The following RALYL variants were observed in gnomAD, a reference collection of about 807,000 sequenced individuals.
The protein encoded by RALYL is RALY RNA binding protein like, also known as RNA-binding Raly-like protein.
Under a neutral mutation model 35.1 loss-of-function variants are expected in RALYL, and 29 were observed. The observed-to-expected ratio is 0.83, with a 90% CI of 0.61 to 1.13. RALYL has a LOEUF of 1.13. RALYL is among the 50% of genes most tolerant of loss of function. RALYL has a pLI of 0.00. For missense variants in RALYL, 359 were observed against 360.4 expected, an observed-to-expected ratio of 1.00 and a Z score of 0.03; for synonymous variants, 120 against 127.6, an observed-to-expected ratio of 0.94 and a Z score of 0.40.
intron 1 of RALYL, among the ~76,000 whole-genome samples, chr8:84,450,292 G>A (rs1184226049): frequency 6.6e-6 from 1 of 151,848 alleles, no homozygotes; most frequent in Non-Finnish European, 1.5e-5. Context: ...ACTTTTGACA[G>A]GGGAAATCAA....
intron 1 of RALYL, among the ~76,000 whole-genome samples, chr8:84,470,011 G>A (rs13248478): frequency 0.41 from 61,616 of 151,816 alleles, 12,560 homozygotes; most frequent in South Asian, 0.52. Flanking sequence ...CGCACGGTGC[G>A]CGCACCCACT....
Position 84,621,537 on chromosome 8 carries a change from A to G in RALYL, c.256+91960A>G, listed in dbSNP as rs1821476776. Among the ~76,000 whole-genome samples the G allele has an allele frequency of 2.6e-5, 4 of 152,184 alleles. No homozygotes were observed. The South Asian group carries it at 8.3e-4, about 32-fold the overall frequency. On this transcript the variant is annotated intron_variant, in intron 2 of 8. Coordinates refer to ENST00000521268, the MANE Select transcript of RALYL (RefSeq NM_173848.7). ...GATGAACCCGGTACCTCAGATGGAAATGCAGAAATCACCTGTCTTCGGCGT... is the reference window on the plus strand; with the variant it reads ...GATGAACCCGGTACCTCAGATGGAAGTGCAGAAATCACCTGTCTTCGGCGT...
intron 2 of RALYL, among the ~76,000 whole-genome samples, chr8:84,622,321 A>G (rs1821715585): frequency 6.6e-6 from 1 of 152,202 alleles, no homozygotes; most frequent in African/African-American, 2.4e-5. Context: ...AGAATATAAA[A>G]GTGTTTGCTT....
At chr8:84,510,832 T>G (rs560585947) in intron 1 of RALYL, among the ~76,000 whole-genome samples, 11 of 152,038 alleles carry the variant, frequency 7.2e-5, no homozygotes, top group African/African-American at 2.4e-4. Context: ...CATAATTGTA[T>G]AAATTTATGG....
At chr8:84,227,508 T>C (rs1021356347) in intron 1 of RALYL, among the ~76,000 whole-genome samples, 2 of 152,200 alleles carry the variant, frequency 1.3e-5, no homozygotes, top group African/African-American at 4.8e-5. Context: ...CAGGTATTTG[T>C]TTGTAAGTAC....
At chr8:84,727,202 C>A (rs1283413844) in intron 2 of RALYL, among the ~76,000 whole-genome samples, 1 of 151,588 alleles carries the variant, frequency 6.6e-6, no homozygotes, top group Non-Finnish European at 1.5e-5. Context: ...GACATTCATG[C>A]CAAGATAATG....
chr8:84,467,746 T>TA (rs1224869106), intron 1 of RALYL, among the ~76,000 whole-genome samples: 1 of 150,344 alleles, frequency 6.7e-6, no homozygotes, highest in Non-Finnish European at 1.5e-5. Flanking sequence ...AGTGGAGTGT[T>TA]AAAGTCTCCC....
chr8:84,279,642 G>A (rs1240453752), intron 1 of RALYL, among the ~76,000 whole-genome samples: 1 of 152,140 alleles, frequency 6.6e-6, no homozygotes, highest in African/African-American at 2.4e-5. Context: ...ATTTGTGGAG[G>A]CTTTGGAGGA....
chr8:84,578,795 T>G (rs1810126519), intron 2 of RALYL, among the ~76,000 whole-genome samples: 1 of 152,204 alleles, frequency 6.6e-6, no homozygotes, highest in African/African-American at 2.4e-5. Flanking sequence ...GGGCAGCTGT[T>G]AGTCTTAACG....
At chr8:84,904,345 C>G (rs886119143) in intron 8 of RALYL, among the ~76,000 whole-genome samples, 4 of 152,090 alleles carry the variant, frequency 2.6e-5, no homozygotes, top group Non-Finnish European at 4.4e-5. Flanking sequence ...TTAACCATCG[C>G]TAATTGACCT....
intron 1 of RALYL, among the ~76,000 whole-genome samples, chr8:84,273,485 C>A (rs1301064435): frequency 2.0e-5 from 3 of 152,228 alleles, no homozygotes; most frequent in Non-Finnish European, 4.4e-5. Context: ...GTTACCCCTG[C>A]CACATACTTT....
At chr8:84,909,587 A>G (rs1446763612) in intron 8 of RALYL, among the ~76,000 whole-genome samples, 6 of 152,102 alleles carry the variant, frequency 3.9e-5, no homozygotes, top group African/African-American at 1.2e-4. Context: ...TATGACACAC[A>G]ATGGTAAGAA....
rs574994777 is a variant in RALYL at position 84,495,760 on chromosome 8, A to G, written c.-23-33539A>G. ...CAGTTTAATATTTTCTTTTCTGCTT[A>G]TTTGTAACCTTTGACGCTTTTTCAG... On this transcript the variant is annotated intron_variant, in intron 1 of 8. Coordinates refer to ENST00000521268, the MANE Select transcript of RALYL (RefSeq NM_173848.7). Among the ~76,000 whole-genome samples, 4 of 152,044 alleles carry G rather than the reference A, an allele frequency of 2.6e-5. No homozygotes were observed. The South Asian group carries it at 8.3e-4, about 32-fold the overall frequency.
chr8:84,432,086 T>C (rs528336501), intron 1 of RALYL, among the ~76,000 whole-genome samples: 1 of 152,296 alleles, frequency 6.6e-6, no homozygotes, highest in East Asian at 1.9e-4. Flanking sequence ...TGGATATGTA[T>C]CCAAAAGATT....
rs112124321 is a variant in RALYL at position 84,580,513 on chromosome 8, T to C, written c.256+50936T>C. On this transcript the variant is annotated intron_variant, in intron 2 of 8. Transcript: ENST00000521268. ...AACAACCAGCTCTTATGGTTACTAA[T>C]ACAGCAAGAAGTCATTCACCTGGTG... Among the ~76,000 whole-genome samples the C allele has an allele frequency of 4.1e-3, 620 of 152,220 alleles. 3 individuals are homozygous for C. Among genetic ancestry groups the C allele is most frequent in the African/African-American group, 0.014 (599 of 41,516 alleles).
intron 1 of RALYL, among the ~76,000 whole-genome samples, chr8:84,491,817 A>G (rs1037669922): frequency 2.6e-5 from 4 of 151,950 alleles, no homozygotes; most frequent in South Asian, 2.1e-4. Flanking sequence ...CATAGACTCA[A>G]TTTCTAAATT....
At chr8:84,808,441 G>A (rs947975578) in intron 4 of RALYL, among the ~76,000 whole-genome samples, 2 of 152,160 alleles carry the variant, frequency 1.3e-5, no homozygotes, top group South Asian at 4.1e-4. Flanking sequence ...GTAGTGTGAT[G>A]CCTCCAGATT....
At chr8:84,710,644 G>A (rs1372965760) in intron 2 of RALYL, among the ~76,000 whole-genome samples, 1 of 151,912 alleles carries the variant, frequency 6.6e-6, no homozygotes, top group Non-Finnish European at 1.5e-5. Context: ...TCTATATTCT[G>A]TCTTATATAT....
At chr8:84,825,477 C>T (rs750538031) in intron 4 of RALYL, among the ~76,000 whole-genome samples, 1 of 152,056 alleles carries the variant, frequency 6.6e-6, no homozygotes, top group Non-Finnish European at 1.5e-5. Flanking sequence ...ACTATTCAAC[C>T]CAGCAATCCC....
Sources: gnomAD v4.1 joint callset for allele counts (sites outside exome capture counted in the v4.1 genomes callset) on GRCh38, gnomAD v4.1.1 for gene constraint, MANE v1.5 for transcripts, NCBI Gene and HGNC (gene_info 2026-07-23, HGNC 2026-07-21) for gene names.